The following CFAP44 variants were observed in gnomAD, a reference collection of about 807,000 sequenced individuals.
CFAP44 encodes the protein cilia- and flagella-associated protein 44.
In CFAP44, 134 loss-of-function variants were observed where a neutral mutation model predicts 216.2. The ratio of observed to expected loss-of-function variants is 0.62; its 90% CI spans 0.54 to 0.72. The LOEUF (loss-of-function observed/expected upper bound fraction) is 0.72. Ranked by LOEUF, CFAP44 falls within the 30% of genes least tolerant of loss-of-function variation. The probability of loss-of-function intolerance (pLI) is 0.00; values close to 1 mark genes in which losing one functional copy is unlikely to be tolerated. For synonymous variants in CFAP44, 700 were observed against 727.6 expected (o/e 0.96, Z 0.61); for missense variants, 2,035 against 2,182.1 (o/e 0.93, Z 1.34).
intron 32 of CFAP44, among the ~76,000 whole-genome samples, chr3:113,297,744 C>T (rs1196455755): frequency 2.6e-5 from 4 of 152,178 alleles, no homozygotes; most frequent in Admixed American, 2.6e-4. Flanking sequence ...AACACTAGAA[C>T]ACCTCTCCAA....
At chr3:113,385,114 C>A (rs1933611328) in intron 15 of CFAP44, among the ~76,000 whole-genome samples, 1 of 152,188 alleles carries the variant, frequency 6.6e-6, no homozygotes, top group African/African-American at 2.4e-5. Flanking sequence ...CACAAGACTT[C>A]TTCTTGCCTG....
chr3:113,395,267 G>C (rs531422819), intron 15 of CFAP44, among the ~76,000 whole-genome samples: 1 of 152,246 alleles, frequency 6.6e-6, no homozygotes, highest in South Asian at 2.1e-4. Flanking sequence ...AATCAATACC[G>C]AATTACCAAT....
intron 28 of CFAP44, among the ~76,000 whole-genome samples, chr3:113,317,463 GC>G (rs1316363938): frequency 1.3e-5 from 2 of 152,216 alleles, no homozygotes; most frequent in East Asian, 1.9e-4. Context: ...CACTGCCGGG[GC>G]CCATGCCTCA....
intron 18 of CFAP44, among the ~76,000 whole-genome samples, chr3:113,368,763 G>A (rs1469606206): frequency 6.6e-6 from 1 of 152,124 alleles, no homozygotes; most frequent in African/African-American, 2.4e-5. Flanking sequence ...ATGTAAATGG[G>A]CTAAATGCTC....
At chr3:113,440,280 C>T (rs770333558) in intron 1 of CFAP44, among the ~76,000 whole-genome samples, 7 of 152,108 alleles carry the variant, frequency 4.6e-5, no homozygotes, top group Non-Finnish European at 8.8e-5. Context: ...AGACTTGTCT[C>T]GAACTCCTGA....
chr3:113,319,658 T>C (rs1950123852), intron 28 of CFAP44, among the ~76,000 whole-genome samples: 2 of 151,926 alleles, frequency 1.3e-5, no homozygotes, highest in South Asian at 2.1e-4. Context: ...ACACAGAATA[T>C]AGTCTAAGAT....
At chr3:113,431,844 C>G (rs1362259421) in intron 2 of CFAP44, among the ~76,000 whole-genome samples, 4 of 152,142 alleles carry the variant, frequency 2.6e-5, no homozygotes, top group Admixed American at 1.3e-4. Flanking sequence ...GGATTAGAAC[C>G]TTAAATAGTC....
chr3:113,355,464 G>C (rs2107304695), intron 22 of CFAP44, among the ~76,000 whole-genome samples: 1 of 152,298 alleles, frequency 6.6e-6, no homozygotes, highest in Middle Eastern at 3.4e-3. Flanking sequence ...AGGTTGCAGT[G>C]AGCCGTGATC....
chr3:113,384,583 C>T (rs1442480321), intron 15 of CFAP44, among the ~76,000 whole-genome samples: 2 of 152,052 alleles, frequency 1.3e-5, no homozygotes, highest in African/African-American at 4.8e-5. Context: ...GGGATTAAGA[C>T]ACAGACAACA....
intron 15 of CFAP44, among the ~76,000 whole-genome samples, chr3:113,388,224 T>TGAG (rs1455179186): frequency 6.6e-6 from 1 of 152,108 alleles, no homozygotes; most frequent in Non-Finnish European, 1.5e-5. Flanking sequence ...CCACAGGCCT[T>TGAG]GGGCAAGACT....
chr3:113,328,732 A>T (rs1471587321), intron 26 of CFAP44, among the ~76,000 whole-genome samples: 3 of 140,092 alleles, frequency 2.1e-5, no homozygotes, highest in African/African-American at 7.9e-5. Flanking sequence ...AAAAAAACAG[A>T]GAGAGAAGAA....
At chr3:113,381,440 G>A (rs763880370) in intron 15 of CFAP44, among the ~76,000 whole-genome samples, 2 of 152,196 alleles carry the variant, frequency 1.3e-5, no homozygotes, top group Non-Finnish European at 2.9e-5. Context: ...GAAACTCTGC[G>A]TGTGTGGATG....
chr3:113,401,408 T>A, intron 10 of CFAP44, 121 bp from the exon 11 acceptor site: 1 of 1,200,792 alleles, frequency 8.3e-7, no homozygotes, highest in Non-Finnish European at 1.2e-6. Flanking sequence ...CACATATATT[T>A]TAAAGTATAA....
intron 32 of CFAP44, among the ~76,000 whole-genome samples, chr3:113,302,772 C>CAAAAAAAAAAAAAAAAAAAAAAA (rs57355375): frequency 1.6e-4 from 7 of 44,496 alleles, no homozygotes; most frequent in East Asian, 5.3e-4. Flanking sequence ...GACTCCATCT[C>CAAAAAAAAAAAAAAAAAAAAAAA]AAAAAAAAAA....
At chr3:113,416,437 G>C (rs1380334058) in intron 6 of CFAP44, 88 bp downstream of exon 6, 7 of 1,032,188 alleles carry the variant, frequency 6.8e-6, no homozygotes, top group Non-Finnish European at 1.0e-5. Flanking sequence ...TTTCTCTGGA[G>C]AACCTTGACT....
At chr3:113,355,211 A>T (rs1341968100) in intron 22 of CFAP44, among the ~76,000 whole-genome samples, 1 of 151,388 alleles carries the variant, frequency 6.6e-6, no homozygotes, top group Admixed American at 6.6e-5. Context: ...TCCCCCAAAA[A>T]CCTATTGAAA....
chr3:113,393,927 C>T (rs557849515), intron 15 of CFAP44, among the ~76,000 whole-genome samples: 2 of 152,220 alleles, frequency 1.3e-5, no homozygotes, highest in African/African-American at 2.4e-5. Flanking sequence ...GAAGAAGATG[C>T]TGGCACCATG....
chr3:113,310,333 C>G lies in CFAP44; in HGVS notation c.4517-2065G>C, dbSNP rs72944506. Among the ~76,000 whole-genome samples, 1,120 of 152,300 alleles carry G rather than the reference C, an allele frequency of 7.4e-3. 15 individuals carry two copies. The highest frequency in any genetic ancestry group is 0.026 in the African/African-American group (1,080 of 41,546). On this transcript the variant is annotated intron_variant, in intron 28 of 34. Transcript: ENST00000393845. ...TATCCATAAGTACTTGCCATCCCCA[C>G]GATGTTGATCACAGAAACTACATGT...
intron 32 of CFAP44, among the ~76,000 whole-genome samples, chr3:113,299,189 A>G (rs1312152153): frequency 6.6e-6 from 1 of 152,234 alleles, no homozygotes; most frequent in Non-Finnish European, 1.5e-5. Context: ...TAACCAGAAT[A>G]TATAAGGAGC....
Sources: allele counts gnomAD v4.1 joint callset (sites outside exome capture counted in the v4.1 genomes callset), GRCh38; gene constraint gnomAD v4.1.1; transcripts MANE v1.5; gene names NCBI Gene and HGNC (gene_info 2026-07-23, HGNC 2026-07-21).